The following KAT2B variants were observed in gnomAD, a reference collection of about 807,000 sequenced individuals.
KAT2B encodes the protein lysine acetyltransferase 2B, also known as histone acetyltransferase KAT2B.
A neutral mutation model predicts 105.9 loss-of-function variants in KAT2B; 36 were observed. The ratio of observed to expected loss-of-function variants is 0.34; its 90% CI spans 0.26 to 0.45. The LOEUF (loss-of-function observed/expected upper bound fraction) is 0.45, where lower values mean the gene tolerates loss of function less well. KAT2B is among the 20% of genes least tolerant of loss of function. KAT2B has a pLI of 1.00. For missense variants in KAT2B, 820 were observed against 1,021.6 expected (o/e 0.80, Z 2.69); for synonymous variants, 397 against 377.9 (o/e 1.05, Z -0.59).
intron 11 of KAT2B, among the ~76,000 whole-genome samples, chr3:20,134,514 T>C (rs1699567872): frequency 6.6e-6 from 1 of 152,206 alleles, no homozygotes; most frequent in Non-Finnish European, 1.5e-5. Context: ...GTTCATGCCG[T>C]TCTCCTGCCT....
chr3:20,151,477 C>A (rs1699868920), intron 17 of KAT2B, among the ~76,000 whole-genome samples: 1 of 151,832 alleles, frequency 6.6e-6, no homozygotes. Flanking sequence ...TTTTTCCACA[C>A]ATAGTTAATA....
intron 11 of KAT2B, among the ~76,000 whole-genome samples, chr3:20,130,339 A>C (rs1384068215): frequency 2.6e-5 from 4 of 152,262 alleles, no homozygotes; most frequent in Non-Finnish European, 5.9e-5. Context: ...GAATTCTGAC[A>C]GTGTGTCTTT....
Position 20,122,696 on chromosome 3 carries a change from T to G in KAT2B, c.1305T>G (p.His435Gln). The G allele has an allele frequency of 6.2e-7, 1 of 1,614,030 alleles. No homozygotes were observed. The change falls in exon 9 of 18, where the codon CAT becomes CAG. Residue 435 changes from histidine to glutamine, a missense_variant. Physicochemically the swap from His to Gln is conservative, Grantham distance 24. Coordinates refer to ENST00000263754, the MANE Select transcript of KAT2B (RefSeq NM_003884.5). Reference protein sequence around the residue: ...PGEKRKMTDSHVLEEAKKPRV... With the variant: ...PGEKRKMTDSQVLEEAKKPRV... ...AAAAGAGGAAAATGACTGATTCTCA[T>G]GTTCTGGAGGAGGCCAAGAAACCCC... is the stretch of plus-strand genomic sequence containing the variant.
chr3:20,066,733 C>A (rs1181024264), intron 1 of KAT2B, among the ~76,000 whole-genome samples: 1 of 151,332 alleles, frequency 6.6e-6, no homozygotes, highest in Non-Finnish European at 1.5e-5. Context: ...CACTATTTAA[C>A]CCACTGCACC....
intron 1 of KAT2B, among the ~76,000 whole-genome samples, chr3:20,052,204 G>A (rs1467441689): frequency 6.6e-6 from 1 of 152,178 alleles, no homozygotes; most frequent in Admixed American, 6.5e-5. Context: ...GTCTAAAGTA[G>A]CAGCACCCCA....
At chr3:20,090,626 C>T (rs1174328397) in intron 2 of KAT2B, among the ~76,000 whole-genome samples, 1 of 152,172 alleles carries the variant, frequency 6.6e-6, no homozygotes, top group African/African-American at 2.4e-5. Flanking sequence ...CATCCATGTT[C>T]ATCAGGGATA....
intron 2 of KAT2B, among the ~76,000 whole-genome samples, chr3:20,084,623 A>G (rs886749965): frequency 4.6e-5 from 7 of 152,210 alleles, no homozygotes; most frequent in Admixed American, 2.0e-4. Context: ...CAAAACCACA[A>G]GCACATTTCA....
rs563657200 is a variant in KAT2B, at chr3:20,152,549, G to A, written c.*24G>A. 40 of 1,590,300 alleles carry A rather than the reference G, an allele frequency of 2.5e-5. 2 individuals are homozygous for A. The South Asian group carries it at 4.0e-4, about 16-fold the overall frequency. ...GATTTTTTTTCCCCTCTGCTTCTTAGAAACTCACCAAGCAGTGTGCCTAAA... is the reference window on the plus strand; with the variant it reads ...GATTTTTTTTCCCCTCTGCTTCTTAAAAACTCACCAAGCAGTGTGCCTAAA... On this transcript the variant is annotated 3_prime_UTR_variant, in exon 18 of 18. Transcript: ENST00000263754.
At chr3:20,127,912 C>T (rs1477686917) in intron 11 of KAT2B, among the ~76,000 whole-genome samples, 2 of 152,212 alleles carry the variant, frequency 1.3e-5, no homozygotes, top group African/African-American at 4.8e-5. Context: ...CACCACTGAT[C>T]TGACAGGAGG....
At chr3:20,062,098 CATATA>C (rs372368754) in intron 1 of KAT2B, among the ~76,000 whole-genome samples, 16,010 of 74,182 alleles carry the variant, frequency 0.22, 2,160 homozygotes, top group Non-Finnish European at 0.29. Context: ...ATATATAAAA[CATATA>C]ATATATATTA....
intron 1 of KAT2B, 66 bp downstream of exon 1, chr3:20,040,846 C>A: frequency 6.8e-7 from 1 of 1,472,886 alleles, no homozygotes; most frequent in Non-Finnish European, 9.0e-7. Flanking sequence ...ACCCCCCTCC[C>A]CCTCCCGCTT....
At chr3:20,105,415 T>C (rs1698982857) in intron 5 of KAT2B, among the ~76,000 whole-genome samples, 1 of 152,178 alleles carries the variant, frequency 6.6e-6, no homozygotes, top group African/African-American at 2.4e-5. Flanking sequence ...TAATTAGTCT[T>C]AGATTTTGAA....
chr3:20,050,364 G>A (rs1697895096), intron 1 of KAT2B, among the ~76,000 whole-genome samples: 1 of 151,912 alleles, frequency 6.6e-6, no homozygotes, highest in African/African-American at 2.4e-5. Context: ...TTTTACATGT[G>A]TATACATCTA....
At chr3:20,076,201 C>T (rs987914392) in intron 2 of KAT2B, among the ~76,000 whole-genome samples, 1 of 152,026 alleles carries the variant, frequency 6.6e-6, no homozygotes, top group Admixed American at 6.6e-5. Context: ...GGGACAAAGA[C>T]CAAGTATATT....
rs1051970586 is a variant in KAT2B, at chr3:20,040,538, G to C, written c.61G>C (p.Gly21Arg). ...GCGAGAGAGA[G>R]PGALPPQPAA... ...CGGGGCAGGAGCCGGGGCAGGGGCC[G>C]GGCCCGGGGCGCTGCCCCCGCAGCC... Residue 21 changes from glycine (G) to arginine (R), a missense_variant, in exon 1 of 18, where the codon GGG becomes CGG. Around this residue, in one of 6 missense-constraint regions of KAT2B, gnomAD observed 190 missense variants for 176.7 expected, o/e 1.08. Coordinates refer to ENST00000263754, the MANE Select transcript of KAT2B (RefSeq NM_003884.5). The C allele has an allele frequency of 4.9e-6, 5 of 1,021,742 alleles. No individual in the cohort carries two copies. The highest frequency in any genetic ancestry group is 5.8e-6 in the Non-Finnish European group (5 of 854,856). The allele number at this position is 1,021,742 out of a possible 1,614,324, so 63.3% of individuals were successfully genotyped here.
intron 10 of KAT2B, among the ~76,000 whole-genome samples, chr3:20,126,845 C>T (rs1208523076): frequency 2.0e-5 from 3 of 147,910 alleles, no homozygotes; most frequent in Non-Finnish European, 4.5e-5. Context: ...AAAAAACCCA[C>T]GAAACCCTAA....
intron 1 of KAT2B, among the ~76,000 whole-genome samples, chr3:20,061,512 T>A (rs933005476): frequency 6.6e-6 from 1 of 152,068 alleles, no homozygotes; most frequent in Non-Finnish European, 1.5e-5. Context: ...AATTGCTGCG[T>A]CATATAGTAA....
rs753627377 is a variant in KAT2B, at chr3:20,152,400, T to G, written c.2374T>G (p.Leu792Val). The G allele has an allele frequency of 6.2e-7, 1 of 1,613,504 alleles. No homozygotes were observed. Among genetic ancestry groups the G allele is most frequent in the Non-Finnish European group, 8.5e-7 (1 of 1,179,564 alleles). The change falls in exon 18 of 18, where the codon TTA becomes GTA. Residue 792 changes from leucine (L) to valine (V), a missense_variant. By Grantham distance (32) the Leu-to-Val change is conservative. Coordinates refer to ENST00000263754, the MANE Select transcript of KAT2B (RefSeq NM_003884.5). ...GTCTAAGAAATTATTCATGGCAGAC[T>G]TACAGCGAGTCTTTACCAATTGCAA... ...YVSKKLFMAD[L>V]QRVFTNCKEY...
chr3:20,115,518 G>T (rs1182081661), intron 7 of KAT2B, among the ~76,000 whole-genome samples: 1 of 152,182 alleles, frequency 6.6e-6, no homozygotes, highest in Admixed American at 6.5e-5. Context: ...GACGTCAAGA[G>T]TTTTTTGTAG....
Sources: gnomAD v4.1 joint callset for allele counts (sites outside exome capture counted in the v4.1 genomes callset) on GRCh38, gnomAD v4.1.1 for gene constraint, gnomAD v4.1.1 regional missense constraint, MANE v1.5 for transcripts, NCBI Gene and HGNC (gene_info 2026-07-23, HGNC 2026-07-21) for gene names.